The following GNAI1 variants were observed in gnomAD, a reference collection of about 807,000 sequenced individuals.
The protein encoded by GNAI1 is G protein subunit alpha i1.
In GNAI1, 11 loss-of-function variants were observed where a neutral mutation model predicts 38.9. That is an observed-to-expected ratio of 0.28 (90% CI 0.18 to 0.47). GNAI1 has a LOEUF of 0.47. Among genes scored for constraint, GNAI1 ranks in the 20% least tolerant of loss-of-function variants. The pLI is 0.99. For synonymous variants in GNAI1, 166 were observed against 145.1 expected, an observed-to-expected ratio of 1.14 and a Z score of -1.04; for missense variants, 317 against 436.9, an observed-to-expected ratio of 0.73 and a Z score of 2.45.
chr7:80,221,619 G>A lies in GNAI1; in HGVS notation c.*4126G>A, dbSNP rs1477286574. Among the ~76,000 whole-genome samples, 3 of 122,816 alleles carry A rather than the reference G, an allele frequency of 2.4e-5. No homozygotes were observed. Among genetic ancestry groups the A allele is most frequent in the African/African-American group, 8.7e-5 (3 of 34,294 alleles). 80.6% of individuals were successfully genotyped at this position (122,816 alleles called of 152,430 possible). ...AGTATGAGAGAGTTTATATTTTAATGTTAGGTTGGAAATTTTCTTTTTTTT... is the reference window on the plus strand; with the variant it reads ...AGTATGAGAGAGTTTATATTTTAATATTAGGTTGGAAATTTTCTTTTTTTT... On this transcript the variant is annotated 3_prime_UTR_variant, in exon 8 of 8. Transcript: ENST00000649796.
At chr7:80,208,194 T>G (rs1462335665) in intron 5 of GNAI1, among the ~76,000 whole-genome samples, 2 of 152,138 alleles carry the variant, frequency 1.3e-5, no homozygotes, top group Admixed American at 6.6e-5. Context: ...AAACTCAAAT[T>G]CATTTCCTAT....
intron 3 of GNAI1, among the ~76,000 whole-genome samples, chr7:80,197,659 T>A (rs145157928): frequency 6.6e-6 from 1 of 152,144 alleles, no homozygotes; most frequent in African/African-American, 2.4e-5. Flanking sequence ...CTGGAAACCA[T>A]GTTATGTGAG....
intron 3 of GNAI1, among the ~76,000 whole-genome samples, chr7:80,197,697 G>A (rs1045850678): frequency 9.2e-5 from 14 of 151,938 alleles, no homozygotes; most frequent in Non-Finnish European, 1.8e-4. Flanking sequence ...TGCACGTGTC[G>A]CTTGCATGCA....
At position 80,211,023 on chromosome 7, in the gene GNAI1, C is replaced by T. The variant is rs12721454; in HGVS notation, c.645C>T (p.Phe215=). The change falls in exon 6 of 8, where the codon TTC becomes TTT. Residue 215 remains phenylalanine, a synonymous_variant. Transcript: ENST00000649796. The part of the protein sequence containing the change: ...RSERKKWIHC[F]EGVTAIIFCV... ...AGCGGAAGAAGTGGATTCATTGCTTCGAAGGAGTGACGGCGATCATCTTCT... is the reference window on the plus strand; with the variant it reads ...AGCGGAAGAAGTGGATTCATTGCTTTGAAGGAGTGACGGCGATCATCTTCT... 0.011 allele frequency: 17,577 copies of T among 1,612,860 alleles called. 1,729 individuals are homozygous for T. In the African/African-American group the frequency reaches 0.21, roughly 19 times the overall value.
At chr7:80,173,114 C>T (rs1392954009) in intron 1 of GNAI1, among the ~76,000 whole-genome samples, 1 of 152,052 alleles carries the variant, frequency 6.6e-6, no homozygotes, top group East Asian at 1.9e-4. Flanking sequence ...TGGATTGTGC[C>T]CTTAAGGTGA....
At chr7:80,209,760 AAATGGTAACCC>A (rs1453603353) in intron 5 of GNAI1, among the ~76,000 whole-genome samples, 1 of 152,214 alleles carries the variant, frequency 6.6e-6, no homozygotes, top group Non-Finnish European at 1.5e-5. Flanking sequence ...GCATTTTAGC[AAATGGTAACCC>A]AATTTATATC....
intron 1 of GNAI1, among the ~76,000 whole-genome samples, chr7:80,179,053 C>T (rs551379974): frequency 6.6e-6 from 1 of 152,024 alleles, no homozygotes; most frequent in Non-Finnish European, 1.5e-5. Context: ...AATCCAGCTG[C>T]CTTTTATTGT....
intron 4 of GNAI1, among the ~76,000 whole-genome samples, chr7:80,201,661 C>A (rs1013475532): frequency 6.6e-5 from 10 of 152,006 alleles, no homozygotes; most frequent in Non-Finnish European, 1.5e-4. Flanking sequence ...AAGGTTGAGG[C>A]TATAGTGAGC....
Position 80,222,936 on chromosome 7 carries a change from T to G in GNAI1, c.*5443T>G, listed in dbSNP as rs1450546099. Among the ~76,000 whole-genome samples the G allele has an allele frequency of 6.6e-6, 1 of 152,156 alleles. No homozygotes were observed. Among genetic ancestry groups the G allele is most frequent in the Non-Finnish European group, 1.5e-5 (1 of 68,020 alleles). On this transcript the variant is annotated 3_prime_UTR_variant, in exon 8 of 8. Coordinates refer to ENST00000649796, the MANE Select transcript of GNAI1 (RefSeq NM_002069.6). ...AAATGTAGCTTAGCCTGGCCTAACT[T>G]AAAGGTGCTCAGAACACTTAGATTA...
chr7:80,137,473 A>T, intron 1 of GNAI1, among the ~76,000 whole-genome samples: 1 of 151,250 alleles, frequency 6.6e-6, no homozygotes, highest in East Asian at 1.9e-4. Context: ...GGTGCGTGCC[A>T]CCATGCTCGG....
chr7:80,190,882 TTTCTC>T (rs771752772), intron 3 of GNAI1, among the ~76,000 whole-genome samples: 18 of 151,494 alleles, frequency 1.2e-4, no homozygotes, highest in Middle Eastern at 3.4e-3. Context: ...ATGTTGTCGT[TTTCTC>T]TTTCTTTTTT....
At chr7:80,139,133 G>T (rs542832933) in intron 1 of GNAI1, among the ~76,000 whole-genome samples, 230 of 146,722 alleles carry the variant, frequency 1.6e-3, no homozygotes, top group African/African-American at 5.5e-3. Context: ...CTTTCTCATG[G>T]CATACCTTGT....
chr7:80,136,014 C>T, intron 1 of GNAI1: 6 of 985,420 alleles, frequency 6.1e-6, no homozygotes, highest in Non-Finnish European at 7.2e-6. Flanking sequence ...GAGAGGGTCA[C>T]GCCAGACAAC....
Position 80,203,835 on chromosome 7 carries a change from G to T in GNAI1, c.590+3G>T. On this transcript the variant is annotated splice_donor_region_variant and intron_variant, in intron 5 of 7. Coordinates refer to ENST00000649796, the MANE Select transcript of GNAI1 (RefSeq NM_002069.6). ...ACTTTCAAAGATCTTCATTTTAAGTGAGTAGCTTTGAAATATATGATTTCT... is the reference window on the plus strand; with the variant it reads ...ACTTTCAAAGATCTTCATTTTAAGTTAGTAGCTTTGAAATATATGATTTCT... 1 of 1,498,124 alleles carries T rather than the reference G, an allele frequency of 6.7e-7. No individual in the cohort carries two copies. Among genetic ancestry groups the T allele is most frequent in the South Asian group, 1.2e-5 (1 of 84,230 alleles). The allele number at this position is 1,498,124 out of a possible 1,614,324, so 92.8% of individuals were successfully genotyped here.
rs1789133615 is a variant in GNAI1, at chr7:80,224,885, C to T, written c.*7392C>T. Among the ~76,000 whole-genome samples, 1 of 152,198 alleles carries T rather than the reference C, an allele frequency of 6.6e-6. No homozygotes were observed. The highest frequency in any genetic ancestry group is 2.1e-4 in the South Asian group (1 of 4,826). On this transcript the variant is annotated 3_prime_UTR_variant, in exon 8 of 8. Transcript: ENST00000649796. ...AATTTTAAAATTCTACTTTTTTTTA[C>T]ATTTTTAATGTGGTTTTGGAAAATA...
In GNAI1 at chr7:80,162,969, C is replaced by A. The variant is rs550945558; in HGVS notation, c.119-25982C>A. Reference sequence around the variant, plus strand: ...TCCCACAAAATCTTTAAAGTGTTTGCTTTAAAAAATAATTTGTAAAACTGG... The same window carrying A: ...TCCCACAAAATCTTTAAAGTGTTTGATTTAAAAAATAATTTGTAAAACTGG... On this transcript the variant is annotated intron_variant, in intron 1 of 7. Coordinates refer to ENST00000649796, the MANE Select transcript of GNAI1 (RefSeq NM_002069.6). 8.6e-4 allele frequency among the ~76,000 whole-genome samples: 131 copies of A among 152,176 alleles called. 2 individuals are homozygous for A. The South Asian group carries it at 0.027, about 32-fold the overall frequency.
intron 4 of GNAI1, among the ~76,000 whole-genome samples, chr7:80,202,214 C>T (rs770748058): frequency 2.0e-5 from 3 of 151,982 alleles, no homozygotes; most frequent in Non-Finnish European, 4.4e-5. Context: ...CTCAGCCTCC[C>T]CAATAGCTGG....
intron 5 of GNAI1, among the ~76,000 whole-genome samples, chr7:80,207,989 C>T (rs1584052066): frequency 6.6e-6 from 1 of 151,944 alleles, no homozygotes; most frequent in Admixed American, 6.6e-5. Context: ...TATTTCATTT[C>T]TATAGTAGTA....
At chr7:80,197,813 G>C (rs1478115552) in intron 3 of GNAI1, among the ~76,000 whole-genome samples, 1 of 152,054 alleles carries the variant, frequency 6.6e-6, no homozygotes, top group Non-Finnish European at 1.5e-5. Context: ...AAAAGAAAAT[G>C]TTTCACAAAT....
Sources: allele counts gnomAD v4.1 joint callset (sites outside exome capture counted in the v4.1 genomes callset), GRCh38; gene constraint gnomAD v4.1.1; transcripts MANE v1.5; gene names NCBI Gene and HGNC (gene_info 2026-07-23, HGNC 2026-07-21).